Variants in GRB7 observed in about 807,000 individuals in gnomAD.
GRB7 encodes growth factor receptor-bound protein 7.
GRB7 carries 47 observed loss-of-function variants against 64.1 expected under a neutral mutation model. The observed-to-expected ratio is 0.73, with a 90% CI of 0.58 to 0.94. The LOEUF is 0.94. GRB7 is among the 40% of genes least tolerant of loss of function. The probability of loss-of-function intolerance (pLI) is 0.00; values close to 1 mark genes in which losing one functional copy is unlikely to be tolerated. For synonymous variants in GRB7, 277 were observed against 279.9 expected, an observed-to-expected ratio of 0.99 and a Z score of 0.10; for missense variants, 634 against 718.4, an observed-to-expected ratio of 0.88 and a Z score of 1.34.
rs928550347 is a variant in GRB7 at position 39,746,978 on chromosome 17, G to A, written c.*81G>A. 3.0e-5 allele frequency: 44 copies of A among 1,462,924 alleles called. 1 individual carries two copies. Among genetic ancestry groups the A allele is most frequent in the Middle Eastern group, 2.4e-4 (1 of 4,110 alleles). The allele number at this position is 1,462,924 out of a possible 1,614,324, so 90.6% of individuals were successfully genotyped here. The stretch of plus-strand genomic sequence containing the variant: ...CCACCCATCCAGTGGACTCTGGGGC[G>A]CGGCCACAGGGGACGGGATGAGGAG... On this transcript the variant is annotated 3_prime_UTR_variant, in exon 15 of 15. Transcript: ENST00000309156.
At position 39,745,248 on chromosome 17, in the gene GRB7, G is replaced by A; in HGVS notation, c.1017G>A (p.Gly339=). 2 of 1,606,764 alleles carry A rather than the reference G, an allele frequency of 1.2e-6. No individual in the cohort carries two copies. The highest frequency in any genetic ancestry group is 1.1e-5 in the South Asian group (1 of 89,988). ...WLAAFRLFKY[G]VQLYKNYQQA... ...CTTTCTCTCCCCACCCCCAGTACGG[G>A]GTGCAGCTGTACAAGAATTACCAGC... is the stretch of plus-strand genomic sequence containing the variant. Residue 339 remains glycine (G), a synonymous_variant, in exon 10 of 15, where the codon GGG becomes GGA. Coordinates refer to ENST00000309156, the MANE Select transcript of GRB7 (RefSeq NM_005310.5).
intron 2 of GRB7, 33 bp from the exon 3 acceptor site, chr17:39,742,533 C>T: frequency 1.2e-6 from 2 of 1,613,676 alleles, no homozygotes; most frequent in Non-Finnish European, 1.7e-6. Context: ...GCTCCCTTCC[C>T]CACACCTCTC....
At chr17:39,742,541 C>T in intron 2 of GRB7, 25 bp from the exon 3 acceptor site, 1 of 1,613,830 alleles carries the variant, frequency 6.2e-7, no homozygotes. Context: ...CCCCACACCT[C>T]TCTCCCTTTT....
intron 14 of GRB7, 34 bp downstream of exon 14, chr17:39,746,236 G>A (rs990183903): frequency 6.5e-7 from 1 of 1,547,016 alleles, no homozygotes; most frequent in Non-Finnish European, 8.9e-7. Flanking sequence ...GTCCTGCAAT[G>A]AGACACAGGA....
intron 1 of GRB7, among the ~76,000 whole-genome samples, chr17:39,741,957 T>C (rs35585925): frequency 0.14 from 16,384 of 114,720 alleles, 1,588 homozygotes; most frequent in African/African-American, 0.32. Flanking sequence ...TTGCAGTGAG[T>C]GGAGATGACG....
intron 7 of GRB7, 116 bp from the exon 8 acceptor site, chr17:39,744,437 C>T: frequency 5.6e-6 from 5 of 895,712 alleles, no homozygotes; most frequent in Non-Finnish European, 8.8e-6. Context: ...TGCTGTGTGA[C>T]CCTGGGTATT....
rs771640494 is a variant in GRB7, at chr17:39,742,952, G to C, written c.361G>C (p.Gly121Arg). 2.5e-6 allele frequency: 4 copies of C among 1,612,904 alleles called. No homozygotes were observed. The African/African-American group carries it at 5.3e-5, about 22-fold the overall frequency. ...GACRSVEVAA[G>R]ATARHVCEML... The stretch of plus-strand genomic sequence containing the variant: ...CTGCAGGTCTGTGGAGGTGGCAGCA[G>C]GTGCCACAGCTCGCCACGTGTGTGA... The change falls in exon 4 of 15, where the codon GGT becomes CGT. Residue 121 changes from glycine (G) to arginine (R), a missense_variant. Gly to Arg is a moderately radical substitution (Grantham distance 125). Around this residue, in one of 2 missense-constraint regions of GRB7, gnomAD observed 467 missense variants for 576.6 expected, o/e 0.81. Transcript: ENST00000309156.
At chr17:39,738,773 C>T (rs934784651) in intron 1 of GRB7, 39 of 773,786 alleles carry the variant, frequency 5.0e-5, no homozygotes, top group Non-Finnish European at 7.0e-5. Flanking sequence ...GACGTCTCTG[C>T]GGGCTGCGGG....
In GRB7 at chr17:39,744,199, A is replaced by G. The variant is rs746813072; in HGVS notation, c.793A>G (p.Thr265Ala). The G allele has an allele frequency of 6.2e-7, 1 of 1,613,762 alleles. No individual in the cohort carries two copies. The highest frequency in any genetic ancestry group is 1.7e-5 in the Admixed American group (1 of 60,002). The change falls in exon 7 of 15, where the codon ACC becomes GCC. Residue 265 changes from threonine (T) to alanine (A), a missense_variant. This residue lies in a region of GRB7 where 467 missense variants were observed against 576.6 expected (regional missense o/e 0.81). Transcript: ENST00000309156. ...RSGLYYSTKG[T>A]SKDPRHLQYV... is the part of the protein sequence containing the mutation. ...TGGCCTCTATTACTCCACCAAGGGC[A>G]CCTCTAAGGTAAGGTCTTGAGGGTA...
chr17:39,743,821 A>G (rs550202633), intron 6 of GRB7, among the ~76,000 whole-genome samples: 432 of 5,228 alleles, frequency 0.083, 3 homozygotes, highest in African/African-American at 0.13. Flanking sequence ...CGTCTCTCCA[A>G]AAAAAAAAAA....
intron 14 of GRB7, 29 bp downstream of exon 14, chr17:39,746,231 G>A (rs1287629606): frequency 1.3e-6 from 2 of 1,576,266 alleles, no homozygotes; most frequent in South Asian, 1.1e-5. Context: ...CCGGAGTCCT[G>A]CAATGAGACA....
At position 39,746,090 on chromosome 17, in the gene GRB7, A is replaced by G. The variant is rs2060043586; in HGVS notation, c.1359-19A>G. The G allele has an allele frequency of 4.3e-6, 7 of 1,613,424 alleles. No homozygotes were observed. Among genetic ancestry groups the G allele is most frequent in the Non-Finnish European group, 5.1e-6 (6 of 1,179,478 alleles). Reference sequence around the variant, plus strand: ...GGTCCTTGGGTAGTAATGCTGCCCCATCTCCTGTCTTCTGGCAGCCTGTTC... The same window carrying G: ...GGTCCTTGGGTAGTAATGCTGCCCCGTCTCCTGTCTTCTGGCAGCCTGTTC... On this transcript the variant is annotated intron_variant, in intron 13 of 14. Coordinates refer to ENST00000309156, the MANE Select transcript of GRB7 (RefSeq NM_005310.5).
intron 1 of GRB7, among the ~76,000 whole-genome samples, chr17:39,741,992 A>AAG (rs11463690): frequency 1.6e-4 from 23 of 140,454 alleles, no homozygotes; most frequent in African/African-American, 5.1e-4. Flanking sequence ...AAAAAAAAAA[A>AAG]GGAGAAAAAA....
rs143566021 is a variant in GRB7 at position 39,744,964 on chromosome 17, G to A, written c.991G>A (p.Ala331Thr). ...EDEQSRTCWL[A>T]AFRLFKYGVQ... ...TGAGCAGAGCCGCACCTGCTGGCTG[G>A]CTGCCTTCCGCCTCTTCAAGGTGAG... The change falls in exon 9 of 15, where the codon GCT becomes ACT. Residue 331 changes from alanine (A) to threonine (T), a missense_variant. Ala to Thr is a moderately conservative substitution (Grantham distance 58). Transcript: ENST00000309156. 1.2e-5 allele frequency: 19 copies of A among 1,613,682 alleles called. No individual in the cohort carries two copies. The African/African-American group carries it at 2.5e-4, about 22-fold the overall frequency.
At position 39,745,245 on chromosome 17, in the gene GRB7, C is replaced by T. The variant is rs769678903; in HGVS notation, c.1014C>T (p.Tyr338=). Residue 338 remains tyrosine, a splice_region_variant and synonymous_variant, in exon 10 of 15, where the codon TAC becomes TAT. Coordinates refer to ENST00000309156, the MANE Select transcript of GRB7 (RefSeq NM_005310.5). ...TCTCTTTCTCTCCCCACCCCCAGTA[C>T]GGGGTGCAGCTGTACAAGAATTACC... is the stretch of plus-strand genomic sequence containing the variant. The part of the protein sequence containing the change: ...CWLAAFRLFK[Y]GVQLYKNYQQ... 1.5e-5 allele frequency: 24 copies of T among 1,601,632 alleles called. No homozygotes were observed. Among genetic ancestry groups the T allele is most frequent in the Admixed American group, 8.5e-5 (5 of 58,940 alleles).
chr17:39,743,525 G>T, intron 6 of GRB7, 55 bp downstream of exon 6: 2 of 1,402,628 alleles, frequency 1.4e-6, no homozygotes, highest in South Asian at 2.3e-5. Flanking sequence ...ATTGGCCAGT[G>T]CTTCTCCACC....
At chr17:39,744,496 G>A (rs1464269800) in intron 7 of GRB7, 57 bp from the exon 8 acceptor site, 24 of 1,380,174 alleles carry the variant, frequency 1.7e-5, no homozygotes, top group South Asian at 2.5e-5. Context: ...CTTGTGGGGG[G>A]AGGTAATAGT....
intron 1 of GRB7, among the ~76,000 whole-genome samples, chr17:39,741,741 C>T (rs900942248): frequency 2.0e-5 from 3 of 152,040 alleles, no homozygotes; most frequent in Non-Finnish European, 2.9e-5. Flanking sequence ...GCACTGGAGC[C>T]GGGCGTGGTG....
intron 1 of GRB7, among the ~76,000 whole-genome samples, chr17:39,741,306 A>G (rs892635317): frequency 4.6e-5 from 7 of 152,106 alleles, no homozygotes; most frequent in African/African-American, 1.7e-4. Context: ...GGCTTCAGGA[A>G]AGAGTTGGGC....
Sources: gnomAD v4.1 joint callset for allele counts (sites outside exome capture counted in the v4.1 genomes callset) on GRCh38, gnomAD v4.1.1 for gene constraint, gnomAD v4.1.1 regional missense constraint, MANE v1.5 for transcripts, NCBI Gene and HGNC (gene_info 2026-07-23, HGNC 2026-07-21) for gene names.